The following CFDP1 variants were observed in gnomAD, a reference collection of about 807,000 sequenced individuals.
CFDP1 encodes heterochromatin-stabilizing protein CFDP1.
A neutral mutation model predicts 40.1 loss-of-function variants in CFDP1; 31 were observed. That is an observed-to-expected ratio of 0.77 (90% CI 0.58 to 1.04). The LOEUF is 1.04. Ranked by LOEUF, CFDP1 falls within the 50% of genes least tolerant of loss-of-function variation. The pLI is 0.00. For synonymous variants in CFDP1, 167 were observed against 120.0 expected (o/e 1.39, Z -2.56); for missense variants, 423 against 343.4 (o/e 1.23, Z -1.83).
At chr16:75,411,013 G>C (rs1353877635) in intron 4 of CFDP1, among the ~76,000 whole-genome samples, 15 of 151,828 alleles carry the variant, frequency 9.9e-5, no homozygotes, top group Non-Finnish European at 2.9e-5. Context: ...GAGGTCAGGA[G>C]TTCAAGACCA....
At chr16:75,355,529 CAA>C (rs1256206996) in intron 5 of CFDP1, among the ~76,000 whole-genome samples, 1 of 152,204 alleles carries the variant, frequency 6.6e-6, no homozygotes, top group Non-Finnish European at 1.5e-5. Flanking sequence ...CCTCATCTGT[CAA>C]AGTTTTATCA....
intron 5 of CFDP1, chr16:75,325,049 C>T (rs747161562): frequency 6.6e-6 from 1 of 152,178 alleles, no homozygotes; most frequent in Admixed American, 6.5e-5. Context: ...TTGGACTTTT[C>T]TCCATCTATA....
chr16:75,323,892 C>T (rs2078384453), intron 5 of CFDP1, among the ~76,000 whole-genome samples: 1 of 152,094 alleles, frequency 6.6e-6, no homozygotes, highest in African/African-American at 2.4e-5. Flanking sequence ...TCACTGTGAA[C>T]ACACGAGTGG....
At chr16:75,404,590 A>G (rs1221395509) in intron 4 of CFDP1, among the ~76,000 whole-genome samples, 3 of 152,080 alleles carry the variant, frequency 2.0e-5, no homozygotes, top group African/African-American at 4.8e-5. Context: ...TTGATGGATG[A>G]GAAGCACCAT....
intron 5 of CFDP1, among the ~76,000 whole-genome samples, chr16:75,366,768 A>G (rs1323848131): frequency 6.6e-6 from 1 of 152,204 alleles, no homozygotes; most frequent in Admixed American, 6.5e-5. Flanking sequence ...CTGGGGCTGA[A>G]GATGGGAGCA....
intron 5 of CFDP1, chr16:75,321,852 C>G (rs910965751): frequency 6.6e-6 from 1 of 152,246 alleles, no homozygotes; most frequent in Non-Finnish European, 1.5e-5. Context: ...GAGACCAAGT[C>G]TTGCTTTGTC....
At chr16:75,412,853 C>G (rs938527080) in intron 2 of CFDP1, 99 bp from the exon 3 acceptor site, 7 of 899,350 alleles carry the variant, frequency 7.8e-6, no homozygotes, top group Non-Finnish European at 1.0e-5. Flanking sequence ...CCCAAGAACA[C>G]TTTAAATTCT....
intron 5 of CFDP1, among the ~76,000 whole-genome samples, chr16:75,317,103 C>T (rs569725595): frequency 2.0e-5 from 3 of 152,238 alleles, no homozygotes; most frequent in Non-Finnish European, 2.9e-5. Flanking sequence ...AGGCAAGTGG[C>T]GAGGGCAGAG....
intron 5 of CFDP1, among the ~76,000 whole-genome samples, chr16:75,330,985 A>C (rs3863444): frequency 0.58 from 82,869 of 142,532 alleles, 24,972 homozygotes; most frequent in Admixed American, 0.71. Flanking sequence ...AAAAAAAAAA[A>C]CACAAAGTGG....
chr16:75,362,153 T>C (rs186122703), intron 5 of CFDP1, among the ~76,000 whole-genome samples: 2 of 152,358 alleles, frequency 1.3e-5, no homozygotes, highest in East Asian at 3.9e-4. Flanking sequence ...CCTGGGTCAG[T>C]ACTGTCATTT....
At chr16:75,366,089 A>G (rs1191707526) in intron 5 of CFDP1, among the ~76,000 whole-genome samples, 2 of 152,266 alleles carry the variant, frequency 1.3e-5, no homozygotes, top group Non-Finnish European at 2.9e-5. Context: ...CAAAATGTTC[A>G]TAGCAGCATT....
intron 5 of CFDP1, among the ~76,000 whole-genome samples, chr16:75,345,505 G>T (rs866316511): frequency 4.1e-4 from 63 of 152,178 alleles, no homozygotes; most frequent in African/African-American, 1.5e-3. Flanking sequence ...GGGCATGGTG[G>T]CTATGCATCT....
intron 5 of CFDP1, among the ~76,000 whole-genome samples, chr16:75,342,331 C>T (rs1219233497): frequency 6.6e-6 from 1 of 152,216 alleles, no homozygotes; most frequent in Non-Finnish European, 1.5e-5. Flanking sequence ...CCTGTCTGCA[C>T]TAGTATCCTT....
intron 1 of CFDP1, among the ~76,000 whole-genome samples, chr16:75,422,470 G>C (rs995394334): frequency 4.7e-5 from 7 of 147,792 alleles, no homozygotes; most frequent in African/African-American, 1.8e-4. Flanking sequence ...CATGATCTTG[G>C]CTCACTACGA....
Position 75,297,146 on chromosome 16 carries a change from T to TTTTGTGTGTGTGTGTGTGTG in CFDP1, c.810-3105_810-3104insCACACACACACACACACAAA, listed in dbSNP as rs1555551779. 1.5e-3 allele frequency among the ~76,000 whole-genome samples: 194 copies of TTTTGTGTGTGTGTGTGTGTG among 133,062 alleles called. 2 individuals carry two copies. Among genetic ancestry groups the TTTTGTGTGTGTGTGTGTGTG allele is most frequent in the African/African-American group, 4.7e-3 (177 of 37,298 alleles). The allele number at this position is 133,062 out of a possible 152,430, so 87.3% of individuals were successfully genotyped here. On this transcript the variant is annotated intron_variant, in intron 6 of 6. Transcript: ENST00000283882. ...GCTTGGGGTTCTTGCTTCCCATTTC[T>TTTTGTGTGTGTGTGTGTGTG]TGTGTGTGTGTGTGTGTGTCTGTGT...
chr16:75,358,552 C>A (rs2078661069), intron 5 of CFDP1, among the ~76,000 whole-genome samples: 1 of 152,092 alleles, frequency 6.6e-6, no homozygotes, highest in South Asian at 2.1e-4. Flanking sequence ...TCATAAAGCA[C>A]TTCTGCCAAG....
intron 5 of CFDP1, among the ~76,000 whole-genome samples, chr16:75,357,774 C>A (rs917117845): frequency 6.6e-6 from 1 of 152,208 alleles, no homozygotes; most frequent in Non-Finnish European, 1.5e-5. Context: ...ACTTTCTTAT[C>A]ATTTGTGCGT....
At chr16:75,327,278 CG>C (rs1366300446) in intron 5 of CFDP1, among the ~76,000 whole-genome samples, 2 of 151,876 alleles carry the variant, frequency 1.3e-5, no homozygotes, top group Admixed American at 1.3e-4. Flanking sequence ...AAAAACAAAA[CG>C]AAACAAAAAA....
chr16:75,429,881 G>A (rs1479944891), intron 1 of CFDP1, among the ~76,000 whole-genome samples: 1 of 152,180 alleles, frequency 6.6e-6, no homozygotes, highest in African/African-American at 2.4e-5. Context: ...TGCCACATAT[G>A]AGTAACCACA....
Sources: gnomAD v4.1 joint callset for allele counts (sites outside exome capture counted in the v4.1 genomes callset) on GRCh38, gnomAD v4.1.1 for gene constraint, MANE v1.5 for transcripts, NCBI Gene and HGNC (gene_info 2026-07-23, HGNC 2026-07-21) for gene names.